The following DAP3 variants were observed in gnomAD, a reference collection of about 807,000 sequenced individuals.
The protein encoded by DAP3 is death associated protein 3.
In DAP3, 28 loss-of-function variants were observed where a neutral mutation model predicts 51.9. The ratio of observed to expected loss-of-function variants is 0.54; its 90% CI spans 0.40 to 0.74. The LOEUF (loss-of-function observed/expected upper bound fraction) is 0.74, where lower values mean the gene tolerates loss of function less well. Ranked by LOEUF, DAP3 falls within the 30% of genes least tolerant of loss-of-function variation. The pLI is 0.00. For synonymous variants in DAP3, 170 were observed against 170.3 expected (o/e 1.00, Z 0.01); for missense variants, 458 against 483.5 (o/e 0.95, Z 0.49).
At chr1:155,715,885 C>T (rs1657273759) in intron 2 of DAP3, among the ~76,000 whole-genome samples, 1 of 152,156 alleles carries the variant, frequency 6.6e-6, no homozygotes. Flanking sequence ...GACATACTCC[C>T]TTATTACATG....
At chr1:155,714,119 G>T (rs956778368) in intron 2 of DAP3, among the ~76,000 whole-genome samples, 1 of 152,190 alleles carries the variant, frequency 6.6e-6, no homozygotes, top group African/African-American at 2.4e-5. Context: ...TTTCAGCATG[G>T]TCATATGGTT....
At chr1:155,721,786 T>G in intron 4 of DAP3, 168 bp downstream of exon 4, 1 of 604,912 alleles carries the variant, frequency 1.7e-6, no homozygotes, top group South Asian at 2.2e-5. Context: ...TTTAAGCTCA[T>G]GTTTAAACAA....
At chr1:155,718,475 G>A (rs1657580503) in intron 3 of DAP3, among the ~76,000 whole-genome samples, 2 of 151,974 alleles carry the variant, frequency 1.3e-5, no homozygotes, top group Admixed American at 6.6e-5. Flanking sequence ...ATGAGGTCAG[G>A]AGACTGAGAC....
rs945154409 is a variant in DAP3, at chr1:155,729,995, G to A, written c.843+629G>A. ...CTCGGGAGGCTGAGGCAGGAGAATC[G>A]CTTGAACCCAGGAGGCGGAGGTTGC... On this transcript the variant is annotated intron_variant, in intron 9 of 12. Transcript: ENST00000368336. 1.2e-3 allele frequency among the ~76,000 whole-genome samples: 179 copies of A among 151,338 alleles called. 1 individual carries two copies. The highest frequency in any genetic ancestry group is 4.1e-3 in the African/African-American group (170 of 41,244).
intron 2 of DAP3, chr1:155,710,035 TCTTTATTAA>T: frequency 2.2e-6 from 1 of 447,080 alleles, no homozygotes; most frequent in Non-Finnish European, 4.0e-6. Context: ...ACTGTAATTA[TCTTTATTAA>T]CTTTATTTCT....
intron 1 of DAP3, among the ~76,000 whole-genome samples, chr1:155,705,811 C>A (rs1388224437): frequency 6.6e-6 from 1 of 152,020 alleles, no homozygotes. Context: ...AGCGATTCTC[C>A]CGCCTCAGCC....
At chr1:155,718,705 AAGATAGATAGATAGATAGATAGAT>A (rs61332895) in intron 3 of DAP3, among the ~76,000 whole-genome samples, 2 of 140,896 alleles carry the variant, frequency 1.4e-5, no homozygotes, top group Admixed American at 7.3e-5. Context: ...AAAAGAAAGA[AAGATAGATAGATAGATAGATAGAT>A]AGATAGATAG....
Position 155,689,119 on chromosome 1 carries a change from G to A in DAP3, c.-63G>A, listed in dbSNP as rs189413971. On this transcript the variant is annotated 5_prime_UTR_variant, in exon 1 of 13. Transcript: ENST00000368336. ...GTCTCAGGACGGGCGCTTTGGAGCC[G>A]GCCCCAGGCAGCGTGTGTCGGTCGC... 4.5e-6 allele frequency: 5 copies of A among 1,111,652 alleles called. No homozygotes were observed. In the East Asian group the frequency reaches 7.7e-5, roughly 17 times the overall value. The allele number at this position is 1,111,652 out of a possible 1,614,324, so 68.9% of individuals were successfully genotyped here. A position where few individuals can be genotyped will look rare whatever the true frequency, so the allele number is the denominator to read the frequency against.
intron 2 of DAP3, among the ~76,000 whole-genome samples, chr1:155,713,297 C>T (rs765507575): frequency 3.3e-5 from 5 of 152,234 alleles, no homozygotes; most frequent in Admixed American, 1.3e-4. Flanking sequence ...GTGTAGAGAA[C>T]GATTTGGATA....
At chr1:155,688,817 GTTCCATTCC>G (rs1653181687), upstream of DAP3, 3 of 1,567,380 alleles carry the variant, frequency 1.9e-6, no homozygotes, top group African/African-American at 1.4e-5. Flanking sequence ...CCGCGGGACT[GTTCCATTCC>G]TGGCGGCTGC....
chr1:155,726,222 T>C (rs928221534), intron 6 of DAP3: 2 of 356,652 alleles, frequency 5.6e-6, no homozygotes, highest in Non-Finnish European at 5.1e-6. Flanking sequence ...CAAGAGATTC[T>C]CCTGCCTCAG....
At chr1:155,708,551 T>G (rs1368328322) in intron 1 of DAP3, among the ~76,000 whole-genome samples, 1 of 145,868 alleles carries the variant, frequency 6.9e-6, no homozygotes, top group Non-Finnish European at 1.5e-5. Context: ...TTTTTTTTTT[T>G]TTTTTTTTGA....
At chr1:155,714,638 G>A (rs569879716) in intron 2 of DAP3, among the ~76,000 whole-genome samples, 9 of 152,122 alleles carry the variant, frequency 5.9e-5, no homozygotes, top group African/African-American at 1.9e-4. Flanking sequence ...GATGGCGGGC[G>A]CCTGTAATCC....
At chr1:155,736,883 A>C in intron 11 of DAP3, 63 bp from the exon 12 acceptor site, 1 of 1,284,546 alleles carries the variant, frequency 7.8e-7, no homozygotes, top group African/African-American at 1.5e-5. Context: ...GCTTAAGTAG[A>C]GTCTGTCTGT....
At chr1:155,728,537 G>C (rs1269355349) in intron 7 of DAP3, among the ~76,000 whole-genome samples, 1 of 152,044 alleles carries the variant, frequency 6.6e-6, no homozygotes, top group Admixed American at 6.6e-5. Flanking sequence ...ACTCCAGCCT[G>C]GGTAACAGAG....
chr1:155,688,734 A>T (rs867985922), upstream of DAP3: 9 of 1,501,246 alleles, frequency 6.0e-6, no homozygotes, highest in South Asian at 9.8e-5. Flanking sequence ...CACGGCCACC[A>T]ACCGCCGCCA....
intron 7 of DAP3, among the ~76,000 whole-genome samples, chr1:155,728,693 C>T (rs541668516): frequency 1.3e-5 from 2 of 152,266 alleles, no homozygotes; most frequent in East Asian, 3.9e-4. Flanking sequence ...AACCCCATCT[C>T]TACTAAAAAT....
chr1:155,688,741 G>C (rs942027025), upstream of DAP3: 19 of 1,488,106 alleles, frequency 1.3e-5, no homozygotes, highest in African/African-American at 2.5e-4. Context: ...ACCAACCGCC[G>C]CCAAAGCAGC....
chr1:155,699,075 G>C (rs1654867641), intron 1 of DAP3, among the ~76,000 whole-genome samples: 1 of 152,192 alleles, frequency 6.6e-6, no homozygotes, highest in Non-Finnish European at 1.5e-5. Context: ...AAAGGTGGGA[G>C]CCAGGGGGCC....
Sources: allele counts gnomAD v4.1 joint callset (sites outside exome capture counted in the v4.1 genomes callset), GRCh38; gene constraint gnomAD v4.1.1; transcripts MANE v1.5; gene names NCBI Gene and HGNC (gene_info 2026-07-23, HGNC 2026-07-21).